The following PXK variants were observed in gnomAD, a reference collection of about 807,000 sequenced individuals.
PXK encodes PX domain containing serine/threonine kinase like.
PXK carries 35 observed loss-of-function variants against 84.7 expected under a neutral mutation model. That is an observed-to-expected ratio of 0.41 (90% CI 0.32 to 0.55). PXK has a LOEUF of 0.55. Ranked by LOEUF, PXK falls within the 20% of genes least tolerant of loss-of-function variation. PXK has a pLI of 0.21. For synonymous variants in PXK, 253 were observed against 260.8 expected, an observed-to-expected ratio of 0.97 and a Z score of 0.29; for missense variants, 634 against 699.7, an observed-to-expected ratio of 0.91 and a Z score of 1.06.
chr3:58,346,925 G>A (rs1392761126), intron 1 of PXK, among the ~76,000 whole-genome samples: 4 of 152,018 alleles, frequency 2.6e-5, no homozygotes, highest in Non-Finnish European at 2.9e-5. Context: ...TGCAACCTCC[G>A]CCTCCCAGGT....
At chr3:58,361,167 G>A (rs1220909469) in intron 1 of PXK, among the ~76,000 whole-genome samples, 4 of 151,034 alleles carry the variant, frequency 2.6e-5, no homozygotes, top group African/African-American at 4.9e-5. Context: ...ATGTTGGCGC[G>A]CACCTGTAAT....
chr3:58,395,819 T>C, intron 9 of PXK, 60 bp downstream of exon 9: 1 of 1,395,928 alleles, frequency 7.2e-7, no homozygotes, highest in Non-Finnish European at 1.0e-6. Context: ...ATTATTCACC[T>C]GGAAAAGTTC....
intron 1 of PXK, among the ~76,000 whole-genome samples, chr3:58,344,621 C>T (rs1198624519): frequency 3.3e-5 from 5 of 152,168 alleles, no homozygotes; most frequent in Admixed American, 1.3e-4. Context: ...GCCAGGAGTT[C>T]GAGACCAGCC....
Position 58,379,898 on chromosome 3 carries a change from G to A in PXK, c.202-2616G>A, listed in dbSNP as rs957963074. 2.6e-5 allele frequency among the ~76,000 whole-genome samples: 4 copies of A among 152,136 alleles called. No homozygotes were observed. Among genetic ancestry groups the A allele is most frequent in the Non-Finnish European group, 4.4e-5 (3 of 68,026 alleles). ...GAGGTGACAGGATTGCTTGAGCTTA[G>A]GAGGTCGAGGCTACAGTGAGCGGTG... is the stretch of plus-strand genomic sequence containing the variant. On this transcript the variant is annotated intron_variant, in intron 3 of 17. Coordinates refer to ENST00000356151, the MANE Select transcript of PXK (RefSeq NM_017771.5). The surrounding 1 kb of genome is among the most constrained non-coding windows in gnomAD (Gnocchi z 5.1).
intron 1 of PXK, among the ~76,000 whole-genome samples, chr3:58,349,853 C>G (rs1356874063): frequency 6.6e-6 from 1 of 152,198 alleles, no homozygotes; most frequent in Non-Finnish European, 1.5e-5. Flanking sequence ...GGTCACTGCT[C>G]TCTTCAAACT....
chr3:58,348,014 A>G (rs2097853504), intron 1 of PXK, among the ~76,000 whole-genome samples: 1 of 152,064 alleles, frequency 6.6e-6, no homozygotes, highest in Non-Finnish European at 1.5e-5. Flanking sequence ...CCCGGGTTCA[A>G]GTGATTTTCC....
At chr3:58,349,450 G>A (rs760281332) in intron 1 of PXK, among the ~76,000 whole-genome samples, 5 of 148,980 alleles carry the variant, frequency 3.4e-5, no homozygotes, top group African/African-American at 1.2e-4. Context: ...CTGCCTCCCC[G>A]GTTCAAGCGA....
intron 17 of PXK, chr3:58,420,542 A>ATGCACCAT: frequency 2.6e-6 from 4 of 1,536,024 alleles, no homozygotes; most frequent in Non-Finnish European, 3.5e-6. Context: ...TCAGTAGAGC[A>ATGCACCAT]TGCACCATTT....
Position 58,421,668 on chromosome 3 carries a change from T to A in PXK, c.1529-3084T>A, listed in dbSNP as rs2061882179. 2.0e-6 allele frequency: 2 copies of A among 988,230 alleles called. No individual in the cohort carries two copies. Among genetic ancestry groups the A allele is most frequent in the African/African-American group, 3.5e-5 (2 of 57,440 alleles). 61.2% of individuals were successfully genotyped at this position (988,230 alleles called of 1,614,324 possible). ...TTCTGGCCTGGCATTCCTCCCTAGA[T>A]CTGACCTACGCTCTCCCTGCAGCAT... On this transcript the variant is annotated intron_variant, in intron 17 of 17. Coordinates refer to ENST00000356151, the MANE Select transcript of PXK (RefSeq NM_017771.5). The surrounding 1 kb of genome is among the most constrained non-coding windows in gnomAD (Gnocchi z 5.5).
chr3:58,343,233 C>T (rs2097766499), intron 1 of PXK, among the ~76,000 whole-genome samples: 1 of 152,200 alleles, frequency 6.6e-6, no homozygotes, highest in African/African-American at 2.4e-5. Context: ...GGACTCATTG[C>T]ACTTTAGTCC....
intron 1 of PXK, among the ~76,000 whole-genome samples, chr3:58,357,207 A>G (rs1236571208): frequency 2.0e-5 from 3 of 151,732 alleles, no homozygotes; most frequent in Admixed American, 1.3e-4. Flanking sequence ...TGAACCTGGG[A>G]GGCAGAGGTT....
In PXK at chr3:58,397,318, C is replaced by A; in HGVS notation, c.984+118C>A. On this transcript the variant is annotated intron_variant, in intron 10 of 17. Transcript: ENST00000356151. The surrounding 1 kb of genome is among the most constrained non-coding windows in gnomAD (Gnocchi z 4.7). The stretch of plus-strand genomic sequence containing the variant: ...AAAGGTATAGTTGGGACAGGCCTTG[C>A]CCGTCAGCCCTTGCAGCGTTGCTGT... The A allele has an allele frequency of 8.0e-7, 1 of 1,246,706 alleles. No individual in the cohort carries two copies. The highest frequency in any genetic ancestry group is 1.1e-6 in the Non-Finnish European group (1 of 881,944). The allele number at this position is 1,246,706 out of a possible 1,614,324, so 77.2% of individuals were successfully genotyped here.
intron 17 of PXK, among the ~76,000 whole-genome samples, chr3:58,417,059 C>T (rs2061081352): frequency 6.6e-6 from 1 of 152,196 alleles, no homozygotes; most frequent in Non-Finnish European, 1.5e-5. Context: ...CGTGCACCAC[C>T]ACATCCAGCT....
chr3:58,338,653 A>T (rs997652962), intron 1 of PXK, among the ~76,000 whole-genome samples: 2 of 151,664 alleles, frequency 1.3e-5, no homozygotes, highest in African/African-American at 4.8e-5. Context: ...AGATGTTTGC[A>T]TACTGTGTGA....
In PXK at chr3:58,333,111, G is replaced by A; in HGVS notation, c.102+21G>A. Reference sequence around the variant, plus strand: ...ACACGGTGCGCGGCCCAGCGGGCGGGCGGGCGGCGTGGGGCGGCCCCGGGC... The same window carrying A: ...ACACGGTGCGCGGCCCAGCGGGCGGACGGGCGGCGTGGGGCGGCCCCGGGC... On this transcript the variant is annotated intron_variant, in intron 1 of 17. Coordinates refer to ENST00000356151, the MANE Select transcript of PXK (RefSeq NM_017771.5). This position sits in a 1 kb window ranked among gnomAD's most constrained non-coding sequence, Gnocchi z 5.4. The A allele has an allele frequency of 8.9e-7, 1 of 1,129,146 alleles. No homozygotes were observed. The highest frequency in any genetic ancestry group is 1.7e-5 in the African/African-American group (1 of 60,350). The allele number at this position is 1,129,146 out of a possible 1,614,324, so 69.9% of individuals were successfully genotyped here.
chr3:58,399,484 G>A lies in PXK; in HGVS notation c.1181+107G>A, dbSNP rs2058244166. 1 of 1,167,154 alleles carries A rather than the reference G, an allele frequency of 8.6e-7. No homozygotes were observed. Among genetic ancestry groups the A allele is most frequent in the Non-Finnish European group, 1.3e-6 (1 of 798,868 alleles). The allele number at this position is 1,167,154 out of a possible 1,614,324, so 72.3% of individuals were successfully genotyped here. A position where few individuals can be genotyped will look rare whatever the true frequency, so the allele number is the denominator to read the frequency against. ...AGTAAAGATTCTTGCGGTCCCTGCA[G>A]AGTTGGCGTGGCCTGCTTGCTGATG... On this transcript the variant is annotated intron_variant, in intron 12 of 17. Transcript: ENST00000356151. This position sits in a 1 kb window ranked among gnomAD's most constrained non-coding sequence, Gnocchi z 4.3.
Position 58,399,095 on chromosome 3 carries a change from A to G in PXK, c.1103-204A>G, listed in dbSNP as rs2058166008. On this transcript the variant is annotated intron_variant, in intron 11 of 17. Coordinates refer to ENST00000356151, the MANE Select transcript of PXK (RefSeq NM_017771.5). The surrounding 1 kb of genome is among the most constrained non-coding windows in gnomAD (Gnocchi z 4.3). Reference sequence around the variant, plus strand: ...CTTTCTGTCAGCATGTAGTTTCTAAACCATTTCTTTTGAGTCATCGGTAAC... The same window carrying G: ...CTTTCTGTCAGCATGTAGTTTCTAAGCCATTTCTTTTGAGTCATCGGTAAC... Among the ~76,000 whole-genome samples the G allele has an allele frequency of 6.6e-6, 1 of 152,096 alleles. No homozygotes were observed. The highest frequency in any genetic ancestry group is 2.4e-5 in the African/African-American group (1 of 41,412).
rs2059981174 is a variant in PXK at position 58,410,127 on chromosome 3, A to C, written c.1433A>C (p.His478Pro). Residue 478 changes from histidine to proline, a missense_variant, in exon 16 of 18, where the codon CAT (histidine) becomes CCT (proline). His to Pro is a moderately conservative substitution (Grantham distance 77). Coordinates refer to ENST00000356151, the MANE Select transcript of PXK (RefSeq NM_017771.5). ...TCTGCTCTTGAAAATAGTGAAGAGCATTCAGCGAAGTACAGCAACTCCAAT... is the reference window on the plus strand; with the variant it reads ...TCTGCTCTTGAAAATAGTGAAGAGCCTTCAGCGAAGTACAGCAACTCCAAT... ...KRSALENSEE[H>P]SAKYSNSNNS... 6.2e-7 allele frequency: 1 copy of C among 1,602,438 alleles called. No individual in the cohort carries two copies. The highest frequency in any genetic ancestry group is 8.6e-7 in the Non-Finnish European group (1 of 1,169,386).
In PXK at chr3:58,400,585, C is replaced by T. The variant is rs2058405865; in HGVS notation, c.1181+1208C>T. ...TTCTACTGTTCCACAGACACTGAAG[C>T]GTCTGTCGCCAAACCAGCAACCATT... On this transcript the variant is annotated intron_variant, in intron 12 of 17. Coordinates refer to ENST00000356151, the MANE Select transcript of PXK (RefSeq NM_017771.5). This position sits in a 1 kb window ranked among gnomAD's most constrained non-coding sequence, Gnocchi z 4.0. Among the ~76,000 whole-genome samples, 1 of 152,144 alleles carries T rather than the reference C, an allele frequency of 6.6e-6. No individual in the cohort carries two copies. The highest frequency in any genetic ancestry group is 2.1e-4 in the South Asian group (1 of 4,826).
Sources: allele counts gnomAD v4.1 joint callset (sites outside exome capture counted in the v4.1 genomes callset), GRCh38; gene constraint gnomAD v4.1.1; non-coding constraint Gnocchi (gnomAD v3.1); transcripts MANE v1.5; gene names NCBI Gene and HGNC (gene_info 2026-07-23, HGNC 2026-07-21).